The following CTNNA2 variants were observed in gnomAD, a reference collection of about 807,000 sequenced individuals.
The protein encoded by CTNNA2 is catenin alpha 2.
Under a neutral mutation model 101.0 loss-of-function variants are expected in CTNNA2, and 42 were observed. The observed-to-expected ratio is 0.42, with a 90% CI of 0.32 to 0.54. The LOEUF (loss-of-function observed/expected upper bound fraction) is 0.54, where lower values mean the gene tolerates loss of function less well. CTNNA2 is among the 20% of genes least tolerant of loss of function. The pLI, the probability that CTNNA2 is intolerant of heterozygous loss-of-function variation, is 0.14. For missense variants in CTNNA2, 871 were observed against 1,223.1 expected (o/e 0.71, Z 4.29); for synonymous variants, 450 against 456.4 (o/e 0.99, Z 0.18).
chr2:80,075,931 T>C (rs903387498), intron 7 of CTNNA2, among the ~76,000 whole-genome samples: 1 of 151,826 alleles, frequency 6.6e-6, no homozygotes, highest in Admixed American at 6.6e-5. Flanking sequence ...CAAGCATGTG[T>C]ACCGAATGGC....
At chr2:80,359,495 A>T (rs1674176168) in intron 7 of CTNNA2, among the ~76,000 whole-genome samples, 1 of 151,612 alleles carries the variant, frequency 6.6e-6, no homozygotes, top group East Asian at 1.9e-4. Flanking sequence ...TGGGTTTAGC[A>T]CCCCCCCTTT....
In CTNNA2 at chr2:80,043,206, C is replaced by T. The variant is rs868378377; in HGVS notation, c.1056+133409C>T. ...CCTTTCTTTCTTTCTTTCTCTCTCT[C>T]TTTTTTTTTTTTTCAGAGTCTTGCT... is the stretch of plus-strand genomic sequence containing the variant. On this transcript the variant is annotated intron_variant, in intron 7 of 18. Transcript: ENST00000402739. Among the ~76,000 whole-genome samples the T allele has an allele frequency of 6.4e-3, 589 of 91,738 alleles. 16 individuals carry two copies. Among genetic ancestry groups the T allele is most frequent in the Non-Finnish European group, 9.4e-3 (443 of 46,980 alleles). 60.2% of individuals were successfully genotyped at this position (91,738 alleles called of 152,430 possible).
intron 15 of CTNNA2, among the ~76,000 whole-genome samples, chr2:80,600,022 C>T (rs1335434696): frequency 4.1e-5 from 6 of 146,714 alleles, no homozygotes; most frequent in African/African-American, 1.5e-4. Flanking sequence ...GGTATTTTTG[C>T]ATTCTGTGTT....
At chr2:79,917,377 G>T (rs908347842) in intron 7 of CTNNA2, among the ~76,000 whole-genome samples, 4 of 152,028 alleles carry the variant, frequency 2.6e-5, no homozygotes, top group East Asian at 1.9e-4. Context: ...CTTTAAATTT[G>T]TTTTTAATTG....
intron 1 of CTNNA2, among the ~76,000 whole-genome samples, chr2:79,589,726 C>T (rs953194197): frequency 2.0e-5 from 3 of 151,586 alleles, no homozygotes; most frequent in Non-Finnish European, 4.4e-5. Flanking sequence ...TTCCCCCCCC[C>T]GAGACACGAA....
chr2:79,245,637 A>ATCTCTGGAAAACAGAGATTTTATT (rs1674690197), intron 2 of CTNNA2, among the ~76,000 whole-genome samples: 1 of 152,302 alleles, frequency 6.6e-6, no homozygotes, highest in African/African-American at 2.4e-5. Context: ...AATTGTTTTC[A>ATCTCTGGAAAACAGAGATTTTATT]TCTCTGGAAA....
chr2:79,882,221 C>G (rs912877335), intron 6 of CTNNA2, among the ~76,000 whole-genome samples: 1 of 152,154 alleles, frequency 6.6e-6, no homozygotes, highest in African/African-American at 2.4e-5. Flanking sequence ...TGGCCTTTCT[C>G]TCTGGCTGCC....
chr2:79,747,219 A>G (rs552615220), intron 3 of CTNNA2, among the ~76,000 whole-genome samples: 4 of 143,838 alleles, frequency 2.8e-5, no homozygotes, highest in Admixed American at 2.0e-4. Flanking sequence ...ATATTTGTGT[A>G]TGTGTTTTGG....
rs1470091102 is a variant in CTNNA2, at chr2:79,349,776, G to A, written c.-317-24055G>A. On this transcript the variant is annotated intron_variant, in intron 3 of 21. Transcript: ENST00000466387. ...AGCTGATGAAGACACCAAGTATTGAGAAACCATTATATTAGAAAGAAAGGA... is the reference window on the plus strand; with the variant it reads ...AGCTGATGAAGACACCAAGTATTGAAAAACCATTATATTAGAAAGAAAGGA... Among the ~76,000 whole-genome samples the A allele has an allele frequency of 3.3e-5, 5 of 152,152 alleles. No individual in the cohort carries two copies. In the East Asian group the frequency reaches 5.8e-4, roughly 18 times the overall value.
At chr2:80,216,061 C>A (rs1345055668) in intron 7 of CTNNA2, among the ~76,000 whole-genome samples, 5 of 152,218 alleles carry the variant, frequency 3.3e-5, no homozygotes, top group Non-Finnish European at 5.9e-5. Context: ...CCCTCCGAGC[C>A]AGGCATGGGA....
At chr2:79,581,114 G>A (rs116268232) in intron 1 of CTNNA2, among the ~76,000 whole-genome samples, 2,817 of 152,306 alleles carry the variant, frequency 0.018, 43 homozygotes, top group Non-Finnish European at 0.028. Flanking sequence ...TGGAAATTAA[G>A]TCCCTTGGTA....
intron 7 of CTNNA2, among the ~76,000 whole-genome samples, chr2:80,196,317 T>C (rs1706829819): frequency 6.6e-6 from 1 of 152,158 alleles, no homozygotes; most frequent in Non-Finnish European, 1.5e-5. Context: ...AGTTATAGGA[T>C]ATTAAATGCA....
At chr2:79,930,266 GAAAGAA>G (rs1274637107) in intron 7 of CTNNA2, among the ~76,000 whole-genome samples, 803 of 21,154 alleles carry the variant, frequency 0.038, 33 homozygotes, top group African/African-American at 0.063. Context: ...AAGAAAGAAA[GAAAGAA>G]AGAAAGAGAG....
At chr2:79,917,009 C>T (rs549558046) in intron 7 of CTNNA2, among the ~76,000 whole-genome samples, 10 of 152,090 alleles carry the variant, frequency 6.6e-5, no homozygotes, top group South Asian at 2.1e-4. Flanking sequence ...AGCAGTGGCG[C>T]GATCTTAGCT....
chr2:79,549,458 T>G (rs1673951663), intron 1 of CTNNA2, among the ~76,000 whole-genome samples: 2 of 152,198 alleles, frequency 1.3e-5, no homozygotes, highest in Admixed American at 6.5e-5. Flanking sequence ...TTTAGATCCC[T>G]TCAGAGTTCA....
intron 2 of CTNNA2, among the ~76,000 whole-genome samples, chr2:79,228,628 C>T (rs1365797333): frequency 6.6e-6 from 1 of 151,126 alleles, no homozygotes; most frequent in Non-Finnish European, 1.5e-5. Context: ...GATTTAAGTT[C>T]CTTGTAGATT....
intron 2 of CTNNA2, among the ~76,000 whole-genome samples, chr2:79,720,485 A>G (rs543982520): frequency 1.3e-5 from 2 of 152,244 alleles, no homozygotes; most frequent in East Asian, 3.9e-4. Flanking sequence ...TTTAGGCACT[A>G]TGGTCATTTT....
intron 9 of CTNNA2, among the ~76,000 whole-genome samples, chr2:80,479,918 C>T (rs533953517): frequency 2.0e-5 from 3 of 152,108 alleles, no homozygotes; most frequent in African/African-American, 7.2e-5. Flanking sequence ...TTGGAGAAAG[C>T]TTGGTTCCAT....
intron 3 of CTNNA2, among the ~76,000 whole-genome samples, chr2:79,835,778 A>G (rs984914710): frequency 7.1e-6 from 1 of 140,958 alleles, no homozygotes; most frequent in African/African-American, 2.6e-5. Flanking sequence ...GACTACAGGC[A>G]TGTGCCACCA....
Sources: gnomAD v4.1 joint callset for allele counts (sites outside exome capture counted in the v4.1 genomes callset) on GRCh38, gnomAD v4.1.1 for gene constraint, MANE v1.5 for transcripts, NCBI Gene and HGNC (gene_info 2026-07-23, HGNC 2026-07-21) for gene names.